The following NALCN variants were observed in gnomAD, a reference collection of about 807,000 sequenced individuals.
NALCN encodes the protein sodium leak channel NALCN.
Under a neutral mutation model 225.3 loss-of-function variants are expected in NALCN, and 111 were observed. The observed-to-expected ratio is 0.49, with a 90% CI of 0.42 to 0.58. NALCN has a LOEUF of 0.58. NALCN is among the 20% of genes least tolerant of loss of function. The pLI is 0.00. For synonymous variants in NALCN, 764 were observed against 769.0 expected (o/e 0.99, Z 0.11); for missense variants, 1,378 against 2,202.4 (o/e 0.63, Z 7.49).
chr13:101,350,512 A>T (rs1442705346), intron 6 of NALCN, among the ~76,000 whole-genome samples: 2 of 152,034 alleles, frequency 1.3e-5, no homozygotes, highest in Non-Finnish European at 1.5e-5. Flanking sequence ...CACTTGAGAC[A>T]AAGGCAATTC....
chr13:101,098,277 G>A (rs1177397629), intron 27 of NALCN, among the ~76,000 whole-genome samples: 1 of 152,108 alleles, frequency 6.6e-6, no homozygotes, highest in African/African-American at 2.4e-5. Flanking sequence ...TTTGAAAACT[G>A]CTGACTTTAT....
At chr13:101,351,392 A>C (rs2045904701) in intron 6 of NALCN, among the ~76,000 whole-genome samples, 1 of 152,120 alleles carries the variant, frequency 6.6e-6, no homozygotes, top group Admixed American at 6.5e-5. Flanking sequence ...GTTTGTTTTT[A>C]ATTCTTAACA....
At chr13:101,193,937 TG>T (rs1369804901) in intron 13 of NALCN, among the ~76,000 whole-genome samples, 2 of 152,164 alleles carry the variant, frequency 1.3e-5, no homozygotes, top group African/African-American at 4.8e-5. Context: ...CAGCAATAGG[TG>T]AAGAGTCAAA....
chr13:101,311,226 G>A (rs938690249), intron 7 of NALCN, among the ~76,000 whole-genome samples: 4 of 151,412 alleles, frequency 2.6e-5, no homozygotes, highest in Non-Finnish European at 5.9e-5. Context: ...CTGAGACTTT[G>A]CTGAAGTTGC....
chr13:101,175,242 TTTTG>T (rs912228855), intron 15 of NALCN, among the ~76,000 whole-genome samples: 21 of 151,706 alleles, frequency 1.4e-4, no homozygotes, highest in African/African-American at 4.6e-4. Context: ...AACAATTTTT[TTTTG>T]TTTGTTTGTT....
At chr13:101,236,778 G>T (rs1008502319) in intron 12 of NALCN, among the ~76,000 whole-genome samples, 10 of 116,734 alleles carry the variant, frequency 8.6e-5, no homozygotes, top group East Asian at 3.4e-4. Flanking sequence ...GTGGGGGGAG[G>T]GGGCAGGGAT....
intron 10 of NALCN, among the ~76,000 whole-genome samples, chr13:101,278,844 G>C (rs538641906): frequency 6.6e-6 from 1 of 152,302 alleles, no homozygotes; most frequent in Admixed American, 6.5e-5. Flanking sequence ...TAAGTGTTCT[G>C]TATGGAAAAG....
intron 7 of NALCN, among the ~76,000 whole-genome samples, chr13:101,317,938 C>T (rs536077395): frequency 3.3e-5 from 5 of 152,154 alleles, no homozygotes; most frequent in South Asian, 4.1e-4. Flanking sequence ...TCAGTTCTTC[C>T]GGGATGACCC....
intron 13 of NALCN, among the ~76,000 whole-genome samples, chr13:101,194,701 T>C (rs943218807): frequency 5.9e-5 from 9 of 152,306 alleles, no homozygotes; most frequent in Admixed American, 5.9e-4. Context: ...ACAGGATCAA[T>C]TCTCAAAAAG....
At chr13:101,228,899 A>G (rs966502083) in intron 13 of NALCN, among the ~76,000 whole-genome samples, 3 of 152,138 alleles carry the variant, frequency 2.0e-5, no homozygotes, top group African/African-American at 7.2e-5. Flanking sequence ...ATTGATTTCT[A>G]ACTTCCTTTT....
intron 10 of NALCN, 94 bp downstream of exon 10, chr13:101,283,839 A>G: frequency 1.9e-6 from 2 of 1,070,290 alleles, no homozygotes; most frequent in Admixed American, 6.3e-5. Context: ...AAATTTGGAC[A>G]AATCTAGAGC....
Position 101,398,373 on chromosome 13 carries a change from T to A in NALCN, c.108+646A>T, listed in dbSNP as rs1312587064. On this transcript the variant is annotated intron_variant, in intron 2 of 43. Coordinates refer to ENST00000251127, the MANE Select transcript of NALCN (RefSeq NM_052867.4). ...GCCATTTCCTTTTGTTACTTCAGCATCAACCATGAGATGAGTAAGAAGTTG... is the reference window on the plus strand; with the variant it reads ...GCCATTTCCTTTTGTTACTTCAGCAACAACCATGAGATGAGTAAGAAGTTG... 2.0e-5 allele frequency among the ~76,000 whole-genome samples: 3 copies of A among 152,234 alleles called. No individual in the cohort carries two copies. The East Asian group carries it at 5.8e-4, about 30-fold the overall frequency.
intron 1 of NALCN, among the ~76,000 whole-genome samples, chr13:101,406,569 T>A (rs914809835): frequency 6.6e-6 from 1 of 152,206 alleles, no homozygotes; most frequent in Non-Finnish European, 1.5e-5. Flanking sequence ...GTGCAAATAG[T>A]ACAGACATTT....
intron 15 of NALCN, among the ~76,000 whole-genome samples, chr13:101,156,829 C>T (rs1387988760): frequency 6.6e-6 from 1 of 152,192 alleles, no homozygotes; most frequent in African/African-American, 2.4e-5. Flanking sequence ...GCAGTCTTAA[C>T]ATTGGGGTCT....
chr13:101,331,089 T>G (rs1039382315), intron 7 of NALCN, among the ~76,000 whole-genome samples: 2 of 152,090 alleles, frequency 1.3e-5, no homozygotes, highest in Non-Finnish European at 1.5e-5. Flanking sequence ...CTGATATCCA[T>G]GAAACTGCAG....
chr13:101,239,619 C>A (rs1381685847), intron 11 of NALCN, among the ~76,000 whole-genome samples: 6 of 151,922 alleles, frequency 3.9e-5, no homozygotes, highest in African/African-American at 1.4e-4. Context: ...TCTACTAATT[C>A]ATTGATGGGT....
intron 6 of NALCN, among the ~76,000 whole-genome samples, chr13:101,345,676 TTCTATCTATCTATCTA>T (rs71676800): frequency 1.5e-4 from 19 of 127,870 alleles, no homozygotes; most frequent in Admixed American, 5.2e-4. Flanking sequence ...CCTTTGCTCT[TTCTATCTATCTATCTA>T]TCTATCTATC....
intron 1 of NALCN, among the ~76,000 whole-genome samples, chr13:101,407,585 C>G (rs2139542281): frequency 6.6e-6 from 1 of 152,226 alleles, no homozygotes; most frequent in Non-Finnish European, 1.5e-5. Context: ...TACTCCATGC[C>G]AGGCACTATT....
At chr13:101,369,084 G>A (rs969207823) in intron 6 of NALCN, 2 of 293,202 alleles carry the variant, frequency 6.8e-6, no homozygotes, top group South Asian at 2.8e-5. Context: ...GTGATTATGA[G>A]CAACATTACT....
Sources: gnomAD v4.1 joint callset for allele counts (sites outside exome capture counted in the v4.1 genomes callset) on GRCh38, gnomAD v4.1.1 for gene constraint, MANE v1.5 for transcripts, NCBI Gene and HGNC (gene_info 2026-07-23, HGNC 2026-07-21) for gene names.